CELF6: variants seen among roughly 807,000 people sequenced by gnomAD.
CELF6 encodes the protein Bruno -like 6, RNA binding protein.
CELF6 carries 32 observed loss-of-function variants against 53.1 expected under a neutral mutation model. That is an observed-to-expected ratio of 0.60 (90% CI 0.46 to 0.81). CELF6 has a LOEUF of 0.81. CELF6 is among the 30% of genes least tolerant of loss of function. CELF6 has a pLI of 0.00. For missense variants in CELF6, 539 were observed against 669.5 expected, an observed-to-expected ratio of 0.81 and a Z score of 2.15; for synonymous variants, 291 against 288.8, an observed-to-expected ratio of 1.01 and a Z score of -0.08.
intron 11 of CELF6, 88 bp from the exon 12 acceptor site, chr15:72,287,480 C>A: frequency 1.3e-6 from 2 of 1,505,296 alleles, no homozygotes; most frequent in Non-Finnish European, 9.1e-7. Context: ...CTTCCAGCCC[C>A]GTCAGGCCAG....
At chr15:72,310,909 G>A (rs1008032087) in intron 2 of CELF6, among the ~76,000 whole-genome samples, 3 of 152,162 alleles carry the variant, frequency 2.0e-5, no homozygotes, top group Admixed American at 6.5e-5. Flanking sequence ...AAACTTGTGA[G>A]TCTTTCTTCC....
Position 72,289,223 on chromosome 15 carries a change from G to T in CELF6, c.945C>A (p.Val315=), listed in dbSNP as rs1267871418. Residue 315 remains valine, a synonymous_variant, in exon 8 of 13, where the codon GTC becomes GTA. Coordinates refer to ENST00000287202, the MANE Select transcript of CELF6 (RefSeq NM_052840.5). The surrounding 1 kb of genome is among the most constrained non-coding windows in gnomAD (Gnocchi z 7.6). The stretch of plus-strand genomic sequence containing the variant: ...GGGGGGTCAGAGGGCCGAATCCATT[G>T]ACCCCGATGGGCGCCGGAAGACCTG... The part of the protein sequence containing the change: ...TLPGLPAPIG[V]NGFGPLTPQT... The T allele has an allele frequency of 6.4e-7, 1 of 1,574,338 alleles. No individual in the cohort carries two copies.
chr15:72,293,798 A>AT (rs2088039125), intron 3 of CELF6, among the ~76,000 whole-genome samples: 1 of 150,822 alleles, frequency 6.6e-6, no homozygotes, highest in Non-Finnish European at 1.5e-5. Context: ...GGTTCAAGTG[A>AT]TTCTCCTGCC....
intron 2 of CELF6, among the ~76,000 whole-genome samples, chr15:72,308,900 C>T (rs2088263941): frequency 6.6e-6 from 1 of 151,934 alleles, no homozygotes; most frequent in Admixed American, 6.6e-5. Context: ...GAGACGGTTT[C>T]ACCATGTTGG....
intron 2 of CELF6, among the ~76,000 whole-genome samples, chr15:72,307,316 T>G (rs1259481618): frequency 6.6e-6 from 1 of 152,116 alleles, no homozygotes; most frequent in Non-Finnish European, 1.5e-5. Context: ...CCCCTGGACC[T>G]GACCTAGGCC....
chr15:72,315,433 G>A (rs1008513288), intron 2 of CELF6, among the ~76,000 whole-genome samples: 3 of 152,144 alleles, frequency 2.0e-5, no homozygotes, highest in Non-Finnish European at 4.4e-5. Flanking sequence ...TACAGGAAAA[G>A]GACTAGAGAG....
chr15:72,294,530 A>G (rs2088049647), intron 3 of CELF6, among the ~76,000 whole-genome samples: 1 of 152,210 alleles, frequency 6.6e-6, no homozygotes, highest in Non-Finnish European at 1.5e-5. Context: ...TCCTGGCCAG[A>G]TGTGACAGGC....
At chr15:72,309,918 G>A (rs975732479) in intron 2 of CELF6, among the ~76,000 whole-genome samples, 2 of 152,176 alleles carry the variant, frequency 1.3e-5, no homozygotes, top group Admixed American at 1.3e-4. Context: ...AGCCCTGGAG[G>A]GGAATTCAAG....
rs894994822 is a variant in CELF6, at chr15:72,285,955, T to TTTTG, written c.*412_*415dup. On this transcript the variant is annotated 3_prime_UTR_variant, in exon 13 of 13. Transcript: ENST00000287202. ...TTTTTTTGTAGTTGTTTGTCTTGTT[T>TTTTG]TTTGTTTGTTTGTTTCTTTGTTTTA... 6.6e-6 allele frequency: 1 copy of TTTTG among 152,640 alleles called. No homozygotes were observed. 9.5% of individuals were successfully genotyped at this position (152,640 alleles called of 1,614,324 possible).
chr15:72,311,645 G>A (rs1325493089), intron 2 of CELF6, among the ~76,000 whole-genome samples: 1 of 151,766 alleles, frequency 6.6e-6, no homozygotes, highest in African/African-American at 2.4e-5. Flanking sequence ...CTCGTGATCC[G>A]CCCGCCTCAG....
intron 3 of CELF6, among the ~76,000 whole-genome samples, chr15:72,299,101 G>A (rs113228585): frequency 3.9e-4 from 59 of 151,866 alleles, no homozygotes; most frequent in African/African-American, 1.3e-3. Context: ...CCAGCTACTC[G>A]GGAGGGTGAG....
chr15:72,308,377 G>A (rs959952756), intron 2 of CELF6, among the ~76,000 whole-genome samples: 30 of 151,718 alleles, frequency 2.0e-4, no homozygotes, highest in Non-Finnish European at 3.2e-4. Context: ...ACAGGCATGC[G>A]CCACCATGCC....
intron 2 of CELF6, among the ~76,000 whole-genome samples, chr15:72,305,168 G>A (rs2088210299): frequency 6.6e-6 from 1 of 152,178 alleles, no homozygotes; most frequent in Non-Finnish European, 1.5e-5. Flanking sequence ...TGATACTGCA[G>A]ATTTGTGTTT....
intron 2 of CELF6, among the ~76,000 whole-genome samples, chr15:72,310,264 G>T (rs2088278137): frequency 6.6e-6 from 1 of 152,114 alleles, no homozygotes. Context: ...AGGGCAGAGT[G>T]GGACAGAAAA....
intron 3 of CELF6, among the ~76,000 whole-genome samples, chr15:72,300,955 G>A (rs1479318486): frequency 6.6e-6 from 1 of 151,852 alleles, no homozygotes; most frequent in East Asian, 1.9e-4. Context: ...TTTAAAAATT[G>A]AATTAGTTGC....
intron 1 of CELF6, among the ~76,000 whole-genome samples, chr15:72,317,461 T>C (rs2088376377): frequency 6.6e-6 from 1 of 152,208 alleles, no homozygotes; most frequent in Non-Finnish European, 1.5e-5. Flanking sequence ...CTTAGAGAAC[T>C]GAGCAAAACT....
chr15:72,301,116 T>G (rs1423858522), intron 3 of CELF6, among the ~76,000 whole-genome samples: 3 of 152,104 alleles, frequency 2.0e-5, no homozygotes, highest in Admixed American at 2.0e-4. Context: ...CCCGAGTAGC[T>G]GGGTAGCTGG....
intron 3 of CELF6, among the ~76,000 whole-genome samples, chr15:72,297,419 A>G (rs1567280374): frequency 6.6e-6 from 1 of 152,228 alleles, no homozygotes; most frequent in Non-Finnish European, 1.5e-5. Context: ...TGCCTGGGAA[A>G]ACAAGATCTT....
chr15:72,287,508 C>A (rs1217415322), intron 11 of CELF6, 116 bp from the exon 12 acceptor site: 1 of 1,122,084 alleles, frequency 8.9e-7, no homozygotes, highest in Non-Finnish European at 1.3e-6. Context: ...AAACACATAC[C>A]CCTCCACTGT....
Sources: gnomAD v4.1 joint callset for allele counts (sites outside exome capture counted in the v4.1 genomes callset) on GRCh38, gnomAD v4.1.1 for gene constraint, Gnocchi (gnomAD v3.1) non-coding constraint, MANE v1.5 for transcripts, NCBI Gene and HGNC (gene_info 2026-07-23, HGNC 2026-07-21) for gene names.